The following GSE1 variants were observed in gnomAD, a reference collection of about 807,000 sequenced individuals.
The protein encoded by GSE1 is Gse1 coiled-coil protein, also known as genetic suppressor element 1.
GSE1 carries 32 observed loss-of-function variants against 112.6 expected under a neutral mutation model. That is an observed-to-expected ratio of 0.28 (90% CI 0.21 to 0.38). The LOEUF (loss-of-function observed/expected upper bound fraction) is 0.38, where lower values mean the gene tolerates loss of function less well. GSE1 is among the 10% of genes least tolerant of loss of function. GSE1 has a pLI of 1.00. For missense variants in GSE1, 2,348 were observed against 1,699.2 expected (o/e 1.38, Z -6.71); for synonymous variants, 1,115 against 735.6 (o/e 1.52, Z -8.35).
At chr16:85,532,721 C>T (rs1266146721) in intron 2 of GSE1, among the ~76,000 whole-genome samples, 2 of 152,252 alleles carry the variant, frequency 1.3e-5, no homozygotes, top group Admixed American at 6.5e-5. Context: ...GGGCCTGTGG[C>T]TCCAGGTGGA....
At chr16:85,325,272 A>T (rs2046202355) in intron 1 of GSE1, among the ~76,000 whole-genome samples, 1 of 151,964 alleles carries the variant, frequency 6.6e-6, no homozygotes, top group South Asian at 2.1e-4. Context: ...TCCAGTCTAG[A>T]TCTCAATGTC....
At chr16:85,502,554 G>GAGCCAAGGCCTC (rs1290521947) in intron 2 of GSE1, among the ~76,000 whole-genome samples, 1 of 152,250 alleles carries the variant, frequency 6.6e-6, no homozygotes, top group Non-Finnish European at 1.5e-5. Context: ...GGCCAGGCCT[G>GAGCCAAGGCCTC]AGCCAAGGCC....
chr16:85,626,825 G>A (rs1451259942), intron 1 of GSE1, among the ~76,000 whole-genome samples: 1 of 152,070 alleles, frequency 6.6e-6, no homozygotes, highest in African/African-American at 2.4e-5. Context: ...CTCCAGCCTC[G>A]TGGGGAGGGG....
intron 1 of GSE1, among the ~76,000 whole-genome samples, chr16:85,355,155 G>A (rs73253120): frequency 0.022 from 3,277 of 152,134 alleles, 106 homozygotes; most frequent in African/African-American, 0.074. Context: ...TGGGGCCTGC[G>A]CTTGCCCGAG....
At chr16:85,511,912 A>G (rs1054722657) in intron 2 of GSE1, among the ~76,000 whole-genome samples, 2 of 152,096 alleles carry the variant, frequency 1.3e-5, no homozygotes, top group Non-Finnish European at 2.9e-5. Context: ...GAGAGAAGCT[A>G]TTCTGTTGTT....
intron 2 of GSE1, among the ~76,000 whole-genome samples, chr16:85,400,252 TGTG>T (rs2048068074): frequency 1.5e-3 from 2 of 1,324 alleles, no homozygotes; most frequent in Admixed American, 0.018. Context: ...TGTAGGGTTG[TGTG>T]TGTGTGTGTG....
intron 2 of GSE1, among the ~76,000 whole-genome samples, chr16:85,403,969 C>T (rs1319969101): frequency 5.3e-5 from 8 of 152,170 alleles, no homozygotes; most frequent in African/African-American, 1.7e-4. Flanking sequence ...TGTGGCCGCT[C>T]ACTGCAGCCT....
At chr16:85,440,724 T>C (rs74034724) in intron 2 of GSE1, among the ~76,000 whole-genome samples, 13,138 of 152,212 alleles carry the variant, frequency 0.086, 994 homozygotes, top group African/African-American at 0.21. Flanking sequence ...CCAGGAACCA[T>C]CACGGGGGCA....
At chr16:85,376,274 C>T (rs1024189720) in intron 2 of GSE1, among the ~76,000 whole-genome samples, 1 of 152,196 alleles carries the variant, frequency 6.6e-6, no homozygotes, top group Admixed American at 6.5e-5. Context: ...TTTCTCTCTC[C>T]GGGAAATGGG....
In GSE1 at chr16:85,542,270, C is replaced by CT. The variant is rs576586634; in HGVS notation, c.2465-91644_2465-91643insT. ...CAGGGCAGCTTTCTCTTTGGAAACC[C>CT]GTTCTGTTTCTTAAATGTCAGAGTG... On this transcript the variant is annotated intron_variant, in intron 2 of 2. Coordinates refer to the GSE1 transcript ENST00000637419. 1.1e-4 allele frequency among the ~76,000 whole-genome samples: 17 copies of CT among 152,312 alleles called. No homozygotes were observed. In the East Asian group the frequency reaches 3.3e-3, roughly 29 times the overall value.
intron 13 of GSE1, among the ~76,000 whole-genome samples, chr16:85,667,902 T>C (rs1212310872): frequency 6.6e-6 from 1 of 151,592 alleles, no homozygotes; most frequent in East Asian, 1.9e-4. Flanking sequence ...ACAAAAATGG[T>C]CCACGTACCA....
chr16:85,292,917 C>G (rs922874981), intron 1 of GSE1, among the ~76,000 whole-genome samples: 1 of 152,184 alleles, frequency 6.6e-6, no homozygotes, highest in African/African-American at 2.4e-5. Context: ...TGTGTGCACG[C>G]AAATTAAATT....
At chr16:85,644,747 C>T (rs947583732) in intron 2 of GSE1, among the ~76,000 whole-genome samples, 5 of 151,846 alleles carry the variant, frequency 3.3e-5, no homozygotes, top group African/African-American at 7.3e-5. Context: ...CAACTCTGGA[C>T]GTGCTAGAAC....
At chr16:85,545,706 A>C (rs2044670609) in intron 2 of GSE1, among the ~76,000 whole-genome samples, 1 of 152,258 alleles carries the variant, frequency 6.6e-6, no homozygotes, top group Non-Finnish European at 1.5e-5. Flanking sequence ...AGTATTCGGC[A>C]GAAAGTCAGC....
chr16:85,438,835 G>A (rs2049310670), intron 2 of GSE1, among the ~76,000 whole-genome samples: 1 of 152,184 alleles, frequency 6.6e-6, no homozygotes, highest in South Asian at 2.1e-4. Flanking sequence ...CCAGCCCTCA[G>A]GTCTGTGGGC....
At chr16:85,585,106 C>T (rs961275146) in intron 1 of GSE1, among the ~76,000 whole-genome samples, 27 of 152,318 alleles carry the variant, frequency 1.8e-4, no homozygotes, top group African/African-American at 4.8e-4. Context: ...AAAAAAAAGG[C>T]GTGATCAGCT....
intron 1 of GSE1, 144 bp from the exon 2 acceptor site, chr16:85,633,770 C>G (rs1350339704): frequency 3.2e-6 from 2 of 629,344 alleles, no homozygotes; most frequent in South Asian, 3.9e-5. Context: ...CTGGCTCTGT[C>G]CTGTTCTTGC....
rs55873035 is a variant in GSE1, at chr16:85,468,312, CT to C, written c.2464+110691del. Among the ~76,000 whole-genome samples, 791 of 116,704 alleles carry C rather than the reference CT, an allele frequency of 6.8e-3. 2 individuals are homozygous for C. Among genetic ancestry groups the C allele is most frequent in the African/African-American group, 0.016 (479 of 29,348 alleles). The allele number at this position is 116,704 out of a possible 152,430, so 76.6% of individuals were successfully genotyped here. A position where few individuals can be genotyped will look rare whatever the true frequency, so the allele number is the denominator to read the frequency against. On this transcript the variant is annotated intron_variant, in intron 2 of 2. Transcript: ENST00000637419. Reference sequence around the variant, plus strand: ...CTTCTTCTTGTAGGGCCCTTCTTTCCTTTTTTTTTTTTTTTTTTTTTTGAGG... The same window carrying C: ...CTTCTTCTTGTAGGGCCCTTCTTTCCTTTTTTTTTTTTTTTTTTTTTGAGG...
chr16:85,467,365 G>A (rs2050153260), intron 2 of GSE1, among the ~76,000 whole-genome samples: 1 of 152,262 alleles, frequency 6.6e-6, no homozygotes, highest in Admixed American at 6.5e-5. Flanking sequence ...CTATTGCTAT[G>A]TAACAAACTA....
Sources: allele counts gnomAD v4.1 joint callset (sites outside exome capture counted in the v4.1 genomes callset), GRCh38; gene constraint gnomAD v4.1.1; transcripts MANE v1.5; gene names NCBI Gene and HGNC (gene_info 2026-07-23, HGNC 2026-07-21).